Variants in PTPRD observed in about 807,000 individuals in gnomAD.
PTPRD encodes receptor-type tyrosine-protein phosphatase delta.
Under a neutral mutation model 214.5 loss-of-function variants are expected in PTPRD, and 34 were observed. The observed-to-expected ratio is 0.16, with a 90% CI of 0.12 to 0.21. The LOEUF is 0.21. Ranked by LOEUF, PTPRD falls within the 10% of genes least tolerant of loss-of-function variation. The pLI, the probability that PTPRD is intolerant of heterozygous loss-of-function variation, is 1.00. For missense variants in PTPRD, 2,545 were observed against 2,398.7 expected, an observed-to-expected ratio of 1.06 and a Z score of -1.27; for synonymous variants, 1,128 against 845.7, an observed-to-expected ratio of 1.33 and a Z score of -5.79.
At chr9:9,954,543 C>T (rs189086907) in intron 4 of PTPRD, among the ~76,000 whole-genome samples, 73 of 144,652 alleles carry the variant, frequency 5.0e-4, no homozygotes, top group Non-Finnish European at 9.9e-4. Context: ...TAGTTTAAAA[C>T]AAGAATATAA....
chr9:9,951,162 G>A (rs971023239), intron 4 of PTPRD, among the ~76,000 whole-genome samples: 1 of 152,110 alleles, frequency 6.6e-6, no homozygotes, highest in East Asian at 1.9e-4. Flanking sequence ...AATGTTTCAG[G>A]GACAATGGAA....
At chr9:9,548,011 A>C (rs979584364) in intron 8 of PTPRD, among the ~76,000 whole-genome samples, 1 of 152,114 alleles carries the variant, frequency 6.6e-6, no homozygotes, top group African/African-American at 2.4e-5. Context: ...TCAAGAGTTG[A>C]AAGTGTAAAG....
intron 35 of PTPRD, among the ~76,000 whole-genome samples, chr9:8,421,038 T>A (rs1039467789): frequency 1.3e-5 from 2 of 152,096 alleles, no homozygotes; most frequent in Non-Finnish European, 2.9e-5. Flanking sequence ...AAGAGGACCA[T>A]GCCCATAAAG....
chr9:9,647,174 T>C (rs897450823), intron 7 of PTPRD, among the ~76,000 whole-genome samples: 11 of 151,434 alleles, frequency 7.3e-5, no homozygotes, highest in East Asian at 3.9e-4. Flanking sequence ...ATTGCATCTT[T>C]CCCCCCCCTC....
At chr9:9,744,344 G>A (rs1389962793) in intron 6 of PTPRD, among the ~76,000 whole-genome samples, 4 of 151,982 alleles carry the variant, frequency 2.6e-5, no homozygotes, top group Admixed American at 6.6e-5. Context: ...AAACAAATGG[G>A]TTTTATAAAC....
intron 11 of PTPRD, among the ~76,000 whole-genome samples, chr9:8,919,394 A>AC (rs2098809626): frequency 6.6e-6 from 1 of 151,092 alleles, no homozygotes; most frequent in Non-Finnish European, 1.5e-5. Flanking sequence ...CCTGTCTCAA[A>AC]AAAAAAAAAA....
intron 12 of PTPRD, among the ~76,000 whole-genome samples, chr9:8,645,375 T>C (rs987983113): frequency 2.6e-5 from 4 of 152,246 alleles, no homozygotes; most frequent in African/African-American, 7.2e-5. Flanking sequence ...ATTTTACTTA[T>C]ACATTCCATT....
intron 11 of PTPRD, among the ~76,000 whole-genome samples, chr9:8,790,545 G>A (rs1157480314): frequency 1.3e-5 from 2 of 151,834 alleles, no homozygotes; most frequent in African/African-American, 4.8e-5. Context: ...AGCCTCCCGA[G>A]TAGCTGGGAC....
At chr9:9,538,045 C>G (rs2154269625) in intron 8 of PTPRD, among the ~76,000 whole-genome samples, 1 of 151,810 alleles carries the variant, frequency 6.6e-6, no homozygotes, top group Non-Finnish European at 1.5e-5. Context: ...TAAACAGAAT[C>G]TGGACTGGAG....
chr9:9,726,938 G>A (rs926094573), intron 7 of PTPRD, among the ~76,000 whole-genome samples: 1 of 152,092 alleles, frequency 6.6e-6, no homozygotes, highest in Admixed American at 6.6e-5. Flanking sequence ...TTGTTAAAAA[G>A]TATGTACAAT....
At position 9,400,756 on chromosome 9, in the gene PTPRD, G is replaced by A. The variant is rs566294501; in HGVS notation, c.-236-3274C>T. 1.2e-3 allele frequency among the ~76,000 whole-genome samples: 177 copies of A among 152,122 alleles called. 2 individuals carry two copies. Among genetic ancestry groups the A allele is most frequent in the African/African-American group, 4.2e-3 (175 of 41,542 alleles). Reference sequence around the variant, plus strand: ...ACTCTAGTGATGCTGGTAAGAGTGAGGAAATGGAGTCAAACCAAATCAATT... The same window carrying A: ...ACTCTAGTGATGCTGGTAAGAGTGAAGAAATGGAGTCAAACCAAATCAATT... On this transcript the variant is annotated intron_variant, in intron 8 of 45. Transcript: ENST00000381196.
chr9:9,964,373 C>T (rs2094550579), intron 4 of PTPRD, among the ~76,000 whole-genome samples: 1 of 152,128 alleles, frequency 6.6e-6, no homozygotes, highest in African/African-American at 2.4e-5. Flanking sequence ...AAATATGTTG[C>T]TCATAATTTC....
intron 9 of PTPRD, among the ~76,000 whole-genome samples, chr9:9,266,657 TA>T (rs1939881485): frequency 6.6e-6 from 1 of 150,592 alleles, no homozygotes; most frequent in South Asian, 2.1e-4. Context: ...AAAAATTAAG[TA>T]TAAATAGGTT....
intron 11 of PTPRD, among the ~76,000 whole-genome samples, chr9:8,845,726 C>A (rs1264782589): frequency 1.3e-5 from 2 of 152,226 alleles, no homozygotes; most frequent in Non-Finnish European, 2.9e-5. Context: ...ACATACGTCA[C>A]TTTCCCCCAA....
chr9:8,569,887 G>T (rs1245381231), intron 14 of PTPRD, among the ~76,000 whole-genome samples: 1 of 152,054 alleles, frequency 6.6e-6, no homozygotes, highest in South Asian at 2.1e-4. Flanking sequence ...TGGATATTTT[G>T]TTATACATAA....
intron 2 of PTPRD, among the ~76,000 whole-genome samples, chr9:10,536,178 A>C (rs2057750652): frequency 6.6e-6 from 1 of 152,114 alleles, no homozygotes; most frequent in Admixed American, 6.6e-5. Flanking sequence ...AGAAACTCCA[A>C]ATATTACTGT....
At chr9:9,978,427 G>T (rs770867480) in intron 4 of PTPRD, among the ~76,000 whole-genome samples, 3 of 152,018 alleles carry the variant, frequency 2.0e-5, no homozygotes, top group African/African-American at 4.8e-5. Flanking sequence ...TCCGTCAATG[G>T]ATACATAAGT....
intron 7 of PTPRD, among the ~76,000 whole-genome samples, chr9:9,687,976 A>G (rs868071318): frequency 1.9e-4 from 29 of 151,914 alleles, no homozygotes; most frequent in African/African-American, 7.0e-4. Flanking sequence ...TGTTTTCATA[A>G]TAGTGAGGGA....
At chr9:8,790,231 G>C (rs1599855788) in intron 11 of PTPRD, among the ~76,000 whole-genome samples, 1 of 151,794 alleles carries the variant, frequency 6.6e-6, no homozygotes, top group East Asian at 1.9e-4. Context: ...GCCCAGACTG[G>C]TCTCCAACCC....
Sources: gnomAD v4.1 joint callset for allele counts (sites outside exome capture counted in the v4.1 genomes callset) on GRCh38, gnomAD v4.1.1 for gene constraint, MANE v1.5 for transcripts, NCBI Gene and HGNC (gene_info 2026-07-23, HGNC 2026-07-21) for gene names.